MGAT5: variants seen among roughly 807,000 people sequenced by gnomAD.
MGAT5 encodes alpha-1,6-mannosylglycoprotein 6-beta-N-acetylglucosaminyltransferase, also known as alpha-1,6-mannosylglycoprotein 6-beta-N-acetylglucosaminyltransferase A.
MGAT5 carries 30 observed loss-of-function variants against 94.3 expected under a neutral mutation model. The observed-to-expected ratio is 0.32, with a 90% CI of 0.24 to 0.43. The LOEUF is 0.43. Among genes scored for constraint, MGAT5 ranks in the 20% least tolerant of loss-of-function variants. The pLI, the probability that MGAT5 is intolerant of heterozygous loss-of-function variation, is 1.00. For missense variants in MGAT5, 691 were observed against 905.5 expected, an observed-to-expected ratio of 0.76 and a Z score of 3.04; for synonymous variants, 310 against 322.9, an observed-to-expected ratio of 0.96 and a Z score of 0.43.
intron 11 of MGAT5, among the ~76,000 whole-genome samples, chr2:134,405,094 GA>G (rs1683257561): frequency 6.6e-6 from 1 of 152,162 alleles, no homozygotes; most frequent in Non-Finnish European, 1.5e-5. Context: ...CGCAAATTTT[GA>G]AAGAACCCTT....
intron 1 of MGAT5, among the ~76,000 whole-genome samples, chr2:134,244,024 T>TC (rs1682104148): frequency 1.3e-5 from 2 of 152,056 alleles, no homozygotes; most frequent in Admixed American, 1.3e-4. Flanking sequence ...TGGTTTTTTT[T>TC]CTAGATGTAG....
intron 1 of MGAT5, among the ~76,000 whole-genome samples, chr2:134,243,021 A>G (rs912939850): frequency 6.6e-6 from 1 of 151,126 alleles, no homozygotes; most frequent in Non-Finnish European, 1.5e-5. Context: ...TAAGCCAGTG[A>G]CTCTACATTT....
intron 14 of MGAT5, among the ~76,000 whole-genome samples, chr2:134,429,135 A>G (rs1305802195): frequency 6.6e-6 from 1 of 152,202 alleles, no homozygotes; most frequent in African/African-American, 2.4e-5. Context: ...TCCCAGAAAT[A>G]AGGTGCTCTT....
At position 134,340,476 on chromosome 2, in the gene MGAT5, T is replaced by G. The variant is rs193241506; in HGVS notation, c.808-1114T>G. Among the ~76,000 whole-genome samples the G allele has an allele frequency of 8.5e-5, 13 of 152,248 alleles. No homozygotes were observed. In the East Asian group the frequency reaches 2.5e-3, roughly 29 times the overall value. On this transcript the variant is annotated intron_variant, in intron 6 of 15. Coordinates refer to ENST00000281923, the MANE Select transcript of MGAT5 (RefSeq NM_002410.5). Reference sequence around the variant, plus strand: ...GTCAGTGAGAGGAATATCCACAATATTTTGAAGCATATCAAATATGCTTTG... The same window carrying G: ...GTCAGTGAGAGGAATATCCACAATAGTTTGAAGCATATCAAATATGCTTTG...
chr2:134,450,390 A>C lies in MGAT5; in HGVS notation c.*1543A>C, dbSNP rs543418991. Reference sequence around the variant, plus strand: ...CTCCGCTGGGCAGAACTGATGGGCAAGGCGTAATGGCTGGTAGCTTTCAGA... The same window carrying C: ...CTCCGCTGGGCAGAACTGATGGGCACGGCGTAATGGCTGGTAGCTTTCAGA... On this transcript the variant is annotated 3_prime_UTR_variant, in exon 16 of 16. Coordinates refer to ENST00000281923, the MANE Select transcript of MGAT5 (RefSeq NM_002410.5). The C allele has an allele frequency of 6.6e-6, 1 of 152,260 alleles. No homozygotes were observed. Among genetic ancestry groups the C allele is most frequent in the Non-Finnish European group, 1.5e-5 (1 of 68,092 alleles). The allele number at this position is 152,260 out of a possible 1,614,324, so 9.4% of individuals were successfully genotyped here.
chr2:134,209,141 A>ATTTATTTTTTAT (rs1680168873), intron 1 of MGAT5, among the ~76,000 whole-genome samples: 1 of 16,084 alleles, frequency 6.2e-5, no homozygotes, highest in Non-Finnish European at 8.8e-5. Context: ...GAACTGGCTT[A>ATTTATTTTTTAT]TTTTTTTTTT....
At chr2:134,230,496 A>G (rs1400706725) in intron 1 of MGAT5, among the ~76,000 whole-genome samples, 1 of 152,200 alleles carries the variant, frequency 6.6e-6, no homozygotes, top group Non-Finnish European at 1.5e-5. Context: ...TTCAAATAGG[A>G]TATTGAACCT....
chr2:134,158,992 G>A (rs1687607015), intron 1 of MGAT5, among the ~76,000 whole-genome samples: 2 of 152,130 alleles, frequency 1.3e-5, no homozygotes, highest in African/African-American at 4.8e-5. Context: ...AGAAAAGAAT[G>A]TAAACTATTT....
Position 134,223,555 on chromosome 2 carries a change from C to G in MGAT5, c.-142-30707C>G, listed in dbSNP as rs145541962. Among the ~76,000 whole-genome samples the G allele has an allele frequency of 1.3e-3, 193 of 152,288 alleles. 2 individuals carry two copies. Among genetic ancestry groups the G allele is most frequent in the African/African-American group, 4.0e-3 (166 of 41,564 alleles). ...TAAAAATGTGAAGAAAAATTATAAT[C>G]TGCTACTTTCTAGAGGATTATTGTA... is the stretch of plus-strand genomic sequence containing the variant. On this transcript the variant is annotated intron_variant, in intron 1 of 16. Transcript: ENST00000409645.
chr2:134,177,064 A>G (rs1389563992), intron 1 of MGAT5, among the ~76,000 whole-genome samples: 2 of 144,526 alleles, frequency 1.4e-5, no homozygotes, highest in Non-Finnish European at 2.9e-5. Flanking sequence ...ATACCCCCTC[A>G]GCCACCATGA....
At chr2:134,381,541 A>AGATAGATAGATG (rs1261347209) in intron 10 of MGAT5, among the ~76,000 whole-genome samples, 1 of 56,350 alleles carries the variant, frequency 1.8e-5, no homozygotes, top group Non-Finnish European at 3.6e-5. Context: ...ACAGACAGAT[A>AGATAGATAGATG]GATAGATAGA....
At chr2:134,426,286 G>A (rs1684586726) in intron 13 of MGAT5, among the ~76,000 whole-genome samples, 1 of 151,782 alleles carries the variant, frequency 6.6e-6, no homozygotes, top group African/African-American at 2.4e-5. Context: ...TAGGAAAATT[G>A]TTTGCTTCAT....
In MGAT5 at chr2:134,229,915, A is replaced by T. The variant is rs1354203933; in HGVS notation, c.-142-24347A>T. 3.3e-5 allele frequency among the ~76,000 whole-genome samples: 5 copies of T among 152,240 alleles called. No individual in the cohort carries two copies. The East Asian group carries it at 7.7e-4, about 23-fold the overall frequency. On this transcript the variant is annotated intron_variant, in intron 1 of 16. Transcript: ENST00000409645. ...AAATAATCAGTAAGTACATGAAAAG[A>T]TAAGATGCTCACTCTCTTTAGTCAG...
intron 1 of MGAT5, among the ~76,000 whole-genome samples, chr2:134,229,683 A>G (rs544120614): frequency 1.3e-5 from 2 of 152,336 alleles, no homozygotes; most frequent in East Asian, 3.9e-4. Flanking sequence ...CTTATGAACT[A>G]AAAAGAAAAA....
intron 1 of MGAT5, among the ~76,000 whole-genome samples, chr2:134,200,360 T>C (rs1450036547): frequency 6.6e-6 from 1 of 151,578 alleles, no homozygotes; most frequent in Non-Finnish European, 1.5e-5. Flanking sequence ...TTCCTTCCTT[T>C]GTAGATTCTT....
At chr2:134,379,950 T>G (rs1353323371) in intron 10 of MGAT5, among the ~76,000 whole-genome samples, 1 of 152,234 alleles carries the variant, frequency 6.6e-6, no homozygotes, top group East Asian at 1.9e-4. Flanking sequence ...TGGGCATATT[T>G]TAACTTGTGT....
Position 134,384,660 on chromosome 2 carries a change from T to C in MGAT5, c.1381-18328T>C, listed in dbSNP as rs1457168146. ...CGGAAGTTTGGTGTACAAGCATTTATGCTATATCATGATATCTGCATTTCT... is the reference window on the plus strand; with the variant it reads ...CGGAAGTTTGGTGTACAAGCATTTACGCTATATCATGATATCTGCATTTCT... On this transcript the variant is annotated intron_variant, in intron 10 of 15. Transcript: ENST00000281923. 2.6e-5 allele frequency among the ~76,000 whole-genome samples: 4 copies of C among 152,228 alleles called. No homozygotes were observed. The South Asian group carries it at 6.2e-4, about 24-fold the overall frequency.
At chr2:134,446,430 T>G (rs751451267) in intron 15 of MGAT5, among the ~76,000 whole-genome samples, 3 of 151,930 alleles carry the variant, frequency 2.0e-5, no homozygotes, top group Non-Finnish European at 4.4e-5. Context: ...GCTGCTGTAA[T>G]TCACCCAAAA....
intron 14 of MGAT5, among the ~76,000 whole-genome samples, chr2:134,438,925 G>C (rs977959038): frequency 5.9e-5 from 9 of 152,132 alleles, no homozygotes; most frequent in African/African-American, 2.2e-4. Context: ...GCAGCTGATA[G>C]GAATCCAAGT....
Sources: gnomAD v4.1 joint callset for allele counts (sites outside exome capture counted in the v4.1 genomes callset) on GRCh38, gnomAD v4.1.1 for gene constraint, MANE v1.5 for transcripts, NCBI Gene and HGNC (gene_info 2026-07-23, HGNC 2026-07-21) for gene names.